The following FHIT variants were observed in gnomAD, a reference collection of about 807,000 sequenced individuals.
FHIT encodes fragile histidine triad diadenosine triphosphatase.
A neutral mutation model predicts 17.9 loss-of-function variants in FHIT; 19 were observed. The observed-to-expected ratio is 1.06, with a 90% CI of 0.74 to 1.56. The LOEUF is 1.56. Among genes scored for constraint, FHIT ranks in the 40% most tolerant of loss-of-function variants. The probability of loss-of-function intolerance (pLI) is 0.00; values close to 1 mark genes in which losing one functional copy is unlikely to be tolerated. For missense variants in FHIT, 248 were observed against 189.2 expected, an observed-to-expected ratio of 1.31 and a Z score of -1.82; for synonymous variants, 81 against 69.7, an observed-to-expected ratio of 1.16 and a Z score of -0.81.
chr3:60,831,987 C>G (rs1168605854), intron 3 of FHIT, among the ~76,000 whole-genome samples: 4 of 152,082 alleles, frequency 2.6e-5, no homozygotes, highest in Non-Finnish European at 5.9e-5. Flanking sequence ...TTCTCTAAGC[C>G]TCAGAATCTT....
chr3:60,519,184 A>T (rs1478714679), intron 5 of FHIT, among the ~76,000 whole-genome samples: 1 of 152,190 alleles, frequency 6.6e-6, no homozygotes, highest in African/African-American at 2.4e-5. Flanking sequence ...AAGATTATAG[A>T]TGGTTTTTAT....
chr3:60,836,688 A>G (rs1702552947), intron 3 of FHIT, among the ~76,000 whole-genome samples: 1 of 152,172 alleles, frequency 6.6e-6, no homozygotes, highest in South Asian at 2.1e-4. Context: ...TCCAGTTAAC[A>G]AGAGTGAGGT....
intron 3 of FHIT, among the ~76,000 whole-genome samples, chr3:61,040,824 C>A (rs2033472535): frequency 6.6e-6 from 1 of 152,170 alleles, no homozygotes; most frequent in Non-Finnish European, 1.5e-5. Flanking sequence ...TACCTTATTC[C>A]CCCGATGGAA....
intron 5 of FHIT, among the ~76,000 whole-genome samples, chr3:60,518,078 A>C (rs1353405064): frequency 6.6e-6 from 1 of 152,204 alleles, no homozygotes; most frequent in Non-Finnish European, 1.5e-5. Flanking sequence ...AATCACAAGA[A>C]AATACGCACA....
intron 5 of FHIT, among the ~76,000 whole-genome samples, chr3:60,022,443 A>T (rs940265845): frequency 1.3e-5 from 2 of 152,224 alleles, no homozygotes; most frequent in Non-Finnish European, 2.9e-5. Context: ...GATATACGTC[A>T]CTTCTGGGCT....
chr3:60,384,038 G>A lies in FHIT; in HGVS notation c.103+152822C>T, dbSNP rs1158015160. On this transcript the variant is annotated intron_variant, in intron 5 of 9. Coordinates refer to ENST00000492590, the MANE Select transcript of FHIT (RefSeq NM_002012.4). ...TAATCCCAGCACTTTGGGAGGCCGA[G>A]GTGGGTGGATCACGAGGTCAGGAGA... 5.9e-5 allele frequency among the ~76,000 whole-genome samples: 9 copies of A among 152,264 alleles called. No individual in the cohort carries two copies. The East Asian group carries it at 1.7e-3, about 29-fold the overall frequency.
At chr3:61,065,463 A>G (rs780160535) in intron 2 of FHIT, among the ~76,000 whole-genome samples, 1 of 152,192 alleles carries the variant, frequency 6.6e-6, no homozygotes, top group Non-Finnish European at 1.5e-5. Context: ...ATAAAAATCA[A>G]AAGTGACCCT....
intron 4 of FHIT, among the ~76,000 whole-genome samples, chr3:60,571,710 A>G (rs1034586259): frequency 6.6e-6 from 1 of 152,192 alleles, no homozygotes; most frequent in Non-Finnish European, 1.5e-5. Context: ...TCATTACAAT[A>G]GAGCTACATG....
At chr3:61,104,012 C>G (rs2035917441) in intron 2 of FHIT, among the ~76,000 whole-genome samples, 1 of 151,692 alleles carries the variant, frequency 6.6e-6, no homozygotes, top group African/African-American at 2.4e-5. Flanking sequence ...AGTCTTGGCT[C>G]TTTATCCAAT....
chr3:60,142,691 T>C (rs1416712420), intron 5 of FHIT, among the ~76,000 whole-genome samples: 1 of 140,414 alleles, frequency 7.1e-6, no homozygotes, highest in Admixed American at 7.0e-5. Flanking sequence ...TCTTTTTTTT[T>C]TTCTTTTTTT....
chr3:60,736,403 T>C (rs1553712616), intron 4 of FHIT, among the ~76,000 whole-genome samples: 1 of 152,214 alleles, frequency 6.6e-6, no homozygotes, highest in Non-Finnish European at 1.5e-5. Flanking sequence ...AATTTCCATT[T>C]ACTAATGAAT....
At chr3:60,761,324 G>C (rs547047703) in intron 4 of FHIT, among the ~76,000 whole-genome samples, 1 of 152,170 alleles carries the variant, frequency 6.6e-6, no homozygotes, top group African/African-American at 2.4e-5. Flanking sequence ...ATGAGTGAAC[G>C]TGCGTATGAG....
intron 2 of FHIT, among the ~76,000 whole-genome samples, chr3:61,184,904 C>CT (rs1444332036): frequency 2.0e-5 from 3 of 152,170 alleles, no homozygotes; most frequent in Non-Finnish European, 2.9e-5. Context: ...AGGAGTGAAT[C>CT]TAAGAACTCT....
intron 5 of FHIT, among the ~76,000 whole-genome samples, chr3:60,176,981 C>T (rs1701703757): frequency 6.6e-6 from 1 of 151,486 alleles, no homozygotes; most frequent in African/African-American, 2.4e-5. Context: ...AAGAGGAAGA[C>T]CAGAAACAGG....
intron 5 of FHIT, among the ~76,000 whole-genome samples, chr3:60,069,186 T>C (rs972106578): frequency 6.6e-5 from 10 of 152,246 alleles, no homozygotes; most frequent in Non-Finnish European, 1.3e-4. Context: ...ACCAGTCATC[T>C]GACAGTAATA....
intron 5 of FHIT, among the ~76,000 whole-genome samples, chr3:60,406,867 A>C (rs945108222): frequency 6.6e-6 from 1 of 152,076 alleles, no homozygotes; most frequent in Admixed American, 6.5e-5. Context: ...ATTTCTCCCT[A>C]AATTCTGAAT....
At chr3:60,201,846 GA>G (rs1702923722) in intron 5 of FHIT, among the ~76,000 whole-genome samples, 2 of 16,714 alleles carry the variant, frequency 1.2e-4, no homozygotes, top group Admixed American at 6.2e-4. Flanking sequence ...GAGTCTCAGG[GA>G]GAAAAAAAAA....
At chr3:60,240,974 T>G (rs548846453) in intron 5 of FHIT, among the ~76,000 whole-genome samples, 1 of 152,120 alleles carries the variant, frequency 6.6e-6, no homozygotes, top group African/African-American at 2.4e-5. Flanking sequence ...CAGAACTTAA[T>G]GGGACCTGTT....
At chr3:60,842,645 ATTTTTT>A (rs1170383044) in intron 3 of FHIT, among the ~76,000 whole-genome samples, 1 of 94,590 alleles carries the variant, frequency 1.1e-5, no homozygotes, top group African/African-American at 4.1e-5. Context: ...ATATATATAT[ATTTTTT>A]TTTTTTTTTT....
Sources: gnomAD v4.1 joint callset for allele counts (sites outside exome capture counted in the v4.1 genomes callset) on GRCh38, gnomAD v4.1.1 for gene constraint, MANE v1.5 for transcripts, NCBI Gene and HGNC (gene_info 2026-07-23, HGNC 2026-07-21) for gene names.